Variants in FRY observed in about 807,000 individuals in gnomAD.
FRY encodes the protein protein furry homolog.
Under a neutral mutation model 348.4 loss-of-function variants are expected in FRY, and 128 were observed. The observed-to-expected ratio is 0.37, with a 90% CI of 0.32 to 0.43. FRY has a LOEUF of 0.43. Among genes scored for constraint, FRY ranks in the 20% least tolerant of loss-of-function variants. The pLI is 1.00. For missense variants in FRY, 2,736 were observed against 3,695.2 expected (o/e 0.74, Z 6.73); for synonymous variants, 1,370 against 1,374.7 (o/e 1.00, Z 0.08).
chr13:32,062,877 A>G (rs539725268), intron 1 of FRY, among the ~76,000 whole-genome samples: 2 of 152,090 alleles, frequency 1.3e-5, no homozygotes, highest in South Asian at 2.1e-4. Flanking sequence ...AATGGCATAT[A>G]TATACCATCA....
At chr13:32,092,415 A>T (rs1195836054) in intron 2 of FRY, among the ~76,000 whole-genome samples, 1 of 152,216 alleles carries the variant, frequency 6.6e-6, no homozygotes, top group African/African-American at 2.4e-5. Context: ...ATATGAAAAG[A>T]TTGTGAAGTG....
intron 35 of FRY, 97 bp from the exon 36 acceptor site, chr13:32,218,652 C>G: frequency 1.4e-6 from 1 of 698,064 alleles, no homozygotes; most frequent in Non-Finnish European, 2.5e-6. Context: ...GTAGTGCAGC[C>G]TGGTGACAGA....
intron 1 of FRY, among the ~76,000 whole-genome samples, chr13:32,046,350 G>A (rs897254546): frequency 6.6e-6 from 1 of 152,152 alleles, no homozygotes; most frequent in South Asian, 2.1e-4. Context: ...CAGAAGGTTA[G>A]AATCTATCTT....
intron 1 of FRY, among the ~76,000 whole-genome samples, chr13:32,034,733 G>A (rs1202201188): frequency 2.6e-5 from 4 of 152,164 alleles, no homozygotes; most frequent in Admixed American, 2.6e-4. Flanking sequence ...GCCTCTGAGT[G>A]TCAGTGGTAG....
intron 7 of FRY, among the ~76,000 whole-genome samples, chr13:32,130,334 C>G (rs1235826470): frequency 6.6e-6 from 1 of 152,148 alleles, no homozygotes; most frequent in Non-Finnish European, 1.5e-5. Flanking sequence ...AGCCACAGCA[C>G]CCAGCAACAA....
At chr13:32,234,462 C>T (rs768318226) in intron 41 of FRY, 112 bp from the exon 42 acceptor site, 150 of 899,810 alleles carry the variant, frequency 1.7e-4, no homozygotes, top group Non-Finnish European at 2.5e-4. Flanking sequence ...TAAATAAGTA[C>T]CACTACAAGG....
At chr13:32,071,935 AAGAC>A (rs1320420400) in intron 1 of FRY, among the ~76,000 whole-genome samples, 2 of 152,220 alleles carry the variant, frequency 1.3e-5, no homozygotes, top group African/African-American at 4.8e-5. Context: ...TAAAAAATAA[AAGAC>A]AGGGCGATAT....
At position 32,187,537 on chromosome 13, in the gene FRY, T is replaced by TA; in HGVS notation, c.3481-8dup. On this transcript the variant is annotated splice_polypyrimidine_tract_variant and intron_variant, in intron 27 of 60. Transcript: ENST00000542859. ...TCATTTCCATGTCTTGTTGTGTTTTTATCATCAGGCAATGTCAGCAGTACT... is the reference window on the plus strand; with the variant it reads ...TCATTTCCATGTCTTGTTGTGTTTTTAATCATCAGGCAATGTCAGCAGTACT... 6.5e-7 allele frequency: 1 copy of TA among 1,547,566 alleles called. No homozygotes were observed. The highest frequency in any genetic ancestry group is 1.7e-4 in the Middle Eastern group (1 of 5,920).
In FRY at chr13:32,209,700, G is replaced by A; in HGVS notation, c.4391G>A (p.Gly1464Glu). 6.2e-7 allele frequency: 1 copy of A among 1,614,100 alleles called. No individual in the cohort carries two copies. The highest frequency in any genetic ancestry group is 8.5e-7 in the Non-Finnish European group (1 of 1,179,974). ...ITLQFLISLCGVSSDTVLLPY... is the reference protein window; with the variant it reads ...ITLQFLISLCEVSSDTVLLPY... Reference sequence around the variant, plus strand: ...TTGCAGTTCCTGATTAGCCTCTGTGGGGTCAGCAGCGACACAGTTCTCCTA... The same window carrying A: ...TTGCAGTTCCTGATTAGCCTCTGTGAGGTCAGCAGCGACACAGTTCTCCTA... Residue 1464 changes from glycine to glutamate, a missense_variant, in exon 33 of 61, where the codon GGG becomes GAG. By Grantham distance (98) the Gly-to-Glu change is moderately conservative. Around this residue, in one of 9 missense-constraint regions of FRY, gnomAD observed 794 missense variants for 977.0 expected, o/e 0.81. Transcript: ENST00000542859.
At chr13:32,112,950 G>C (rs1878062554) in intron 3 of FRY, among the ~76,000 whole-genome samples, 1 of 152,160 alleles carries the variant, frequency 6.6e-6, no homozygotes, top group Non-Finnish European at 1.5e-5. Context: ...TTATTCTCTA[G>C]TGGAACACTG....
At chr13:32,131,611 G>A (rs1566088081) in intron 7 of FRY, 61 bp from the exon 8 acceptor site, 1 of 1,143,692 alleles carries the variant, frequency 8.7e-7, no homozygotes, top group East Asian at 2.3e-5. Context: ...GATGCTGGAG[G>A]CCCCCATTAC....
intron 24 of FRY, among the ~76,000 whole-genome samples, chr13:32,183,764 AG>A (rs1882855427): frequency 7.6e-6 from 1 of 131,946 alleles, no homozygotes; most frequent in Admixed American, 7.8e-5. Context: ...TGACAGAGCA[AG>A]ACTCTGTCTC....
At chr13:32,200,675 A>T (rs1883966410) in intron 29 of FRY, among the ~76,000 whole-genome samples, 2 of 152,234 alleles carry the variant, frequency 1.3e-5, no homozygotes, top group Non-Finnish European at 2.9e-5. Context: ...GAAAATACAT[A>T]TGGTGAAAAG....
intron 1 of FRY, among the ~76,000 whole-genome samples, chr13:32,055,383 A>G (rs934173962): frequency 1.3e-5 from 2 of 152,178 alleles, no homozygotes; most frequent in Admixed American, 6.5e-5. Flanking sequence ...GGATTCCTCT[A>G]CGTGGGAGGA....
At chr13:32,121,196 C>T (rs995129682) in intron 4 of FRY, among the ~76,000 whole-genome samples, 3 of 152,172 alleles carry the variant, frequency 2.0e-5, no homozygotes, top group African/African-American at 2.4e-5. Context: ...GGTTGGTTTA[C>T]GATTTTGCTA....
chr13:32,168,890 A>C (rs769855273), intron 17 of FRY, among the ~76,000 whole-genome samples: 1 of 152,252 alleles, frequency 6.6e-6, no homozygotes, highest in Non-Finnish European at 1.5e-5. Context: ...TCTGAGAGTG[A>C]TAACTGGGGT....
At chr13:32,151,239 C>G (rs1012274090) in intron 14 of FRY, among the ~76,000 whole-genome samples, 1 of 152,212 alleles carries the variant, frequency 6.6e-6, no homozygotes, top group African/African-American at 2.4e-5. Flanking sequence ...TTCTCAAACT[C>G]CTCATTCAGT....
chr13:32,210,318 T>G (rs1211637764), intron 33 of FRY, among the ~76,000 whole-genome samples: 1 of 152,250 alleles, frequency 6.6e-6, no homozygotes, highest in Non-Finnish European at 1.5e-5. Flanking sequence ...GACAGGTTTA[T>G]GTCTTCCTGC....
intron 2 of FRY, among the ~76,000 whole-genome samples, chr13:32,100,206 G>A (rs969667197): frequency 2.0e-5 from 3 of 151,818 alleles, no homozygotes; most frequent in African/African-American, 7.3e-5. Flanking sequence ...TCAGCCTCCC[G>A]AGTAGCTGGG....
Sources: gnomAD v4.1 joint callset for allele counts (sites outside exome capture counted in the v4.1 genomes callset) on GRCh38, gnomAD v4.1.1 for gene constraint, gnomAD v4.1.1 regional missense constraint, MANE v1.5 for transcripts, NCBI Gene and HGNC (gene_info 2026-07-23, HGNC 2026-07-21) for gene names.